CETN3: variants seen among roughly 807,000 people sequenced by gnomAD.
The protein encoded by CETN3 is centrin-3.
A neutral mutation model predicts 20.1 loss-of-function variants in CETN3; 17 were observed. That is an observed-to-expected ratio of 0.85 (90% CI 0.58 to 1.27). The LOEUF (loss-of-function observed/expected upper bound fraction) is 1.27, where lower values mean the gene tolerates loss of function less well. Ranked by LOEUF, CETN3 falls within the 50% of genes most tolerant of loss-of-function variation. The pLI is 0.00. For synonymous variants in CETN3, 52 were observed against 59.7 expected, an observed-to-expected ratio of 0.87 and a Z score of 0.59; for missense variants, 169 against 191.2, an observed-to-expected ratio of 0.88 and a Z score of 0.69.
At chr5:90,398,724 C>T (rs986192189) in intron 4 of CETN3, among the ~76,000 whole-genome samples, 8 of 152,232 alleles carry the variant, frequency 5.3e-5, no homozygotes, top group South Asian at 4.1e-4. Context: ...ACTGAAGAAT[C>T]GTTTCAAGTG....
chr5:90,393,117 C>T lies in CETN3; in HGVS notation c.*947G>A, dbSNP rs533105293. On this transcript the variant is annotated 3_prime_UTR_variant, in exon 5 of 5. Coordinates refer to ENST00000283122, the MANE Select transcript of CETN3 (RefSeq NM_004365.4). ...TCCATAACCACTTGTTTCCCCCTAA[C>T]ATACACTTCTACAAGGCAGAAGAGC... is the stretch of plus-strand genomic sequence containing the variant. 6.6e-6 allele frequency: 1 copy of T among 152,252 alleles called. No individual in the cohort carries two copies. Among genetic ancestry groups the T allele is most frequent in the South Asian group, 2.1e-4 (1 of 4,824 alleles). The allele number at this position is 152,252 out of a possible 1,614,324, so 9.4% of individuals were successfully genotyped here. A position where few individuals can be genotyped will look rare whatever the true frequency, so the allele number is the denominator to read the frequency against.
Position 90,409,671 on chromosome 5 carries a change from G to C in CETN3, c.-10C>G, listed in dbSNP as rs776049851. The C allele has an allele frequency of 1.2e-6, 2 of 1,613,952 alleles. No homozygotes were observed. Among genetic ancestry groups the C allele is most frequent in the Admixed American group, 1.7e-5 (1 of 59,996 alleles). ...TCAGAGCTAAACTCATTATCTCTTC[G>C]CACAGAGACGTTCCTCTCAAGAACG... On this transcript the variant is annotated 5_prime_UTR_variant, in exon 1 of 5. Transcript: ENST00000283122.
At chr5:90,401,724 TC>T (rs1372460436) in intron 3 of CETN3, among the ~76,000 whole-genome samples, 1 of 152,136 alleles carries the variant, frequency 6.6e-6, no homozygotes. Context: ...TGCAGCTGCC[TC>T]CCCTACCCCA....
At chr5:90,397,525 T>G (rs1298660840) in intron 4 of CETN3, among the ~76,000 whole-genome samples, 1 of 152,130 alleles carries the variant, frequency 6.6e-6, no homozygotes, top group Non-Finnish European at 1.5e-5. Flanking sequence ...CTAAGTAGAT[T>G]AAGTACCTTA....
intron 4 of CETN3, chr5:90,396,313 A>G: frequency 1.0e-6 from 1 of 985,054 alleles, no homozygotes; most frequent in Non-Finnish European, 1.2e-6. Context: ...TAAGAACGTA[A>G]TACAAAATCT....
intron 3 of CETN3, among the ~76,000 whole-genome samples, chr5:90,401,727 C>A (rs1026304146): frequency 6.6e-5 from 10 of 152,176 alleles, no homozygotes; most frequent in African/African-American, 2.4e-4. Context: ...AGCTGCCTCC[C>A]CTACCCCAAC....
intron 2 of CETN3, 128 bp downstream of exon 2, chr5:90,407,571 G>T: frequency 1.7e-6 from 1 of 572,000 alleles, no homozygotes; most frequent in Non-Finnish European, 2.7e-6. Context: ...AACTATGAAT[G>T]CTTAAAATGC....
intron 3 of CETN3, among the ~76,000 whole-genome samples, chr5:90,400,831 T>G (rs1749271665): frequency 6.6e-6 from 1 of 152,188 alleles, no homozygotes; most frequent in Non-Finnish European, 1.5e-5. Context: ...TGAAGTATAT[T>G]ACTGTAAGTA....
chr5:90,396,296 A>T, intron 4 of CETN3: 6 of 985,234 alleles, frequency 6.1e-6, no homozygotes, highest in Non-Finnish European at 6.0e-6. Flanking sequence ...CACTATGACA[A>T]ACATGGTAAG....
At chr5:90,396,889 C>T (rs1349930284) in intron 4 of CETN3, among the ~76,000 whole-genome samples, 1 of 151,884 alleles carries the variant, frequency 6.6e-6, no homozygotes. Context: ...ATTCAACCAA[C>T]TGCAGATGAA....
chr5:90,402,148 A>G (rs1749307781), intron 3 of CETN3, among the ~76,000 whole-genome samples: 1 of 152,162 alleles, frequency 6.6e-6, no homozygotes, highest in Non-Finnish European at 1.5e-5. Context: ...CACCAAGCCC[A>G]GCCTCTTTTT....
intron 4 of CETN3, chr5:90,396,138 C>G: frequency 1.0e-6 from 1 of 981,388 alleles, no homozygotes; most frequent in Non-Finnish European, 1.2e-6. Context: ...AGAAAGAGAG[C>G]TGGGGTGGGA....
At chr5:90,405,584 T>C (rs944948720) in intron 3 of CETN3, 101 bp downstream of exon 3, 3 of 772,226 alleles carry the variant, frequency 3.9e-6, no homozygotes, top group African/African-American at 1.8e-5. Flanking sequence ...CAGTGTTCTA[T>C]AAGAAAATTC....
At chr5:90,397,181 C>T (rs895980213) in intron 4 of CETN3, among the ~76,000 whole-genome samples, 1 of 151,954 alleles carries the variant, frequency 6.6e-6, no homozygotes, top group Non-Finnish European at 1.5e-5. Context: ...CTACTTAAAC[C>T]CAAGAAAGTA....
At chr5:90,405,490 A>G in intron 3 of CETN3, 195 bp downstream of exon 3, 1 of 531,580 alleles carries the variant, frequency 1.9e-6, no homozygotes, top group Non-Finnish European at 3.3e-6. Context: ...AAAAGACAAA[A>G]CTATAAATCT....
At chr5:90,394,420 T>C (rs536904762) in intron 4 of CETN3, among the ~76,000 whole-genome samples, 3 of 152,160 alleles carry the variant, frequency 2.0e-5, no homozygotes, top group East Asian at 1.9e-4. Flanking sequence ...GCTAAAACAT[T>C]TTAAATGCTT....
At chr5:90,398,906 T>G in intron 4 of CETN3, 1 of 216,222 alleles carries the variant, frequency 4.6e-6, no homozygotes, top group Non-Finnish European at 9.3e-6. Context: ...GTAGCACCAG[T>G]CAACACGCAG....
In CETN3 at chr5:90,393,051, T is replaced by C. The variant is rs1749055122; in HGVS notation, c.*1013A>G. The C allele has an allele frequency of 6.6e-6, 1 of 151,998 alleles. No homozygotes were observed. The highest frequency in any genetic ancestry group is 1.5e-5 in the Non-Finnish European group (1 of 67,990). The allele number at this position is 151,998 out of a possible 1,614,324, so 9.4% of individuals were successfully genotyped here. A position where few individuals can be genotyped will look rare whatever the true frequency, so the allele number is the denominator to read the frequency against. ...CATAACACCGAGTACTAGATATGAG[T>C]GAAGGATCCATATAGGTACTATTTT... On this transcript the variant is annotated 3_prime_UTR_variant, in exon 5 of 5. Coordinates refer to ENST00000283122, the MANE Select transcript of CETN3 (RefSeq NM_004365.4).
At chr5:90,403,035 C>G (rs1462219498) in intron 3 of CETN3, among the ~76,000 whole-genome samples, 1 of 152,158 alleles carries the variant, frequency 6.6e-6, no homozygotes, top group Non-Finnish European at 1.5e-5. Context: ...TTATGTTAGT[C>G]TTAAAGACAC....
Sources: gnomAD v4.1 joint callset for allele counts (sites outside exome capture counted in the v4.1 genomes callset) on GRCh38, gnomAD v4.1.1 for gene constraint, MANE v1.5 for transcripts, NCBI Gene and HGNC (gene_info 2026-07-23, HGNC 2026-07-21) for gene names.